The following PDE1A variants were observed in gnomAD, a reference collection of about 807,000 sequenced individuals.
PDE1A encodes dual specificity calcium/calmodulin-dependent 3',5'-cyclic nucleotide phosphodiesterase 1A.
In PDE1A, 35 loss-of-function variants were observed where a neutral mutation model predicts 61.7. That is an observed-to-expected ratio of 0.57 (90% CI 0.43 to 0.75). The LOEUF is 0.75. Among genes scored for constraint, PDE1A ranks in the 30% least tolerant of loss-of-function variants. The pLI, the probability that PDE1A is intolerant of heterozygous loss-of-function variation, is 0.00. For missense variants in PDE1A, 597 were observed against 630.6 expected (o/e 0.95, Z 0.57); for synonymous variants, 232 against 213.2 (o/e 1.09, Z -0.77).
chr2:182,360,529 G>GTT (rs200227796), intron 1 of PDE1A, among the ~76,000 whole-genome samples: 73 of 128,592 alleles, frequency 5.7e-4, no homozygotes, highest in Admixed American at 1.7e-3. Flanking sequence ...GCAGTTTAGT[G>GTT]TTTTTTTTTT....
intron 2 of PDE1A, among the ~76,000 whole-genome samples, chr2:182,488,293 C>G (rs1036933425): frequency 6.6e-6 from 1 of 152,128 alleles, no homozygotes; most frequent in African/African-American, 2.4e-5. Flanking sequence ...AAATGTTTCT[C>G]TTTTTCCCTA....
the PDE1A span, among the ~76,000 whole-genome samples, chr2:182,680,344 G>T: frequency 6.6e-6 from 1 of 151,802 alleles, no homozygotes; most frequent in Non-Finnish European, 1.5e-5. Flanking sequence ...CCAAGTAGCT[G>T]GGACTACAGG....
At chr2:182,507,555 C>A (rs1689490204) in intron 2 of PDE1A, among the ~76,000 whole-genome samples, 1 of 151,964 alleles carries the variant, frequency 6.6e-6, no homozygotes, top group Non-Finnish European at 1.5e-5. Flanking sequence ...GATTGTGTCA[C>A]ATTTGGTAAG....
intron 7 of PDE1A, among the ~76,000 whole-genome samples, chr2:182,219,250 G>C (rs184063424): frequency 6.6e-6 from 1 of 152,048 alleles, no homozygotes; most frequent in East Asian, 1.9e-4. Flanking sequence ...ATACATCAAG[G>C]GAAGGCTTTT....
chr2:182,697,978 C>T, the PDE1A span, among the ~76,000 whole-genome samples: 1 of 152,162 alleles, frequency 6.6e-6, no homozygotes, highest in African/African-American at 2.4e-5. Flanking sequence ...CAAATAGGCA[C>T]TCAATAAATG....
the PDE1A span, among the ~76,000 whole-genome samples, chr2:182,646,638 C>T: frequency 1.3e-5 from 2 of 151,212 alleles, no homozygotes; most frequent in Non-Finnish European, 2.9e-5. Flanking sequence ...GAGCCGAGAT[C>T]GCGCCACTGC....
At chr2:182,498,876 G>A (rs1470330285) in intron 2 of PDE1A, among the ~76,000 whole-genome samples, 13 of 152,000 alleles carry the variant, frequency 8.6e-5, no homozygotes, top group Admixed American at 1.3e-4. Context: ...CCCGGAAGGC[G>A]GAGTTCGCAG....
At chr2:182,572,993 CT>C in the PDE1A span, among the ~76,000 whole-genome samples, 1 of 151,922 alleles carries the variant, frequency 6.6e-6, no homozygotes, top group Admixed American at 6.6e-5. Context: ...TCTAACTTTC[CT>C]TTTTAGAGGA....
intron 2 of PDE1A, chr2:182,242,025 A>G (rs1690555340): frequency 7.2e-7 from 1 of 1,383,548 alleles, no homozygotes; most frequent in African/African-American, 1.5e-5. Context: ...CAGTGATCAG[A>G]TACAGTGTAG....
At chr2:182,554,465 A>G in the PDE1A span, among the ~76,000 whole-genome samples, 27 of 152,258 alleles carry the variant, frequency 1.8e-4, no homozygotes, top group African/African-American at 6.0e-4. Flanking sequence ...TTGCCAAGCC[A>G]TCTTCTGGAC....
chr2:182,427,130 G>C, upstream of PDE1A: 1 of 360,700 alleles, frequency 2.8e-6, no homozygotes, highest in Non-Finnish European at 3.9e-6. Flanking sequence ...GCAGCCCCAT[G>C]TGAGTACCCT....
At chr2:182,461,437 T>C (rs1290651734) in intron 2 of PDE1A, among the ~76,000 whole-genome samples, 1 of 152,154 alleles carries the variant, frequency 6.6e-6, no homozygotes, top group Non-Finnish European at 1.5e-5. Context: ...GCCCTGCTAT[T>C]CACTTTGACT....
intron 2 of PDE1A, among the ~76,000 whole-genome samples, chr2:182,258,168 G>A (rs968969785): frequency 1.1e-4 from 15 of 139,542 alleles, no homozygotes; most frequent in Admixed American, 2.2e-4. Flanking sequence ...ACTCCATCTC[G>A]AAAAAAAAAA....
exon 8 of PDE1A, chr2:182,205,959 A>C: frequency 1.2e-6 from 2 of 1,609,736 alleles, no homozygotes; most frequent in South Asian, 1.1e-5. Flanking sequence ...TCTTTGGATA[A>C]ATTTATCAAG....
chr2:182,691,011 T>G, the PDE1A span, among the ~76,000 whole-genome samples: 1 of 152,134 alleles, frequency 6.6e-6, no homozygotes, highest in Non-Finnish European at 1.5e-5. Flanking sequence ...TACAAACCAC[T>G]GCTCAACGAA....
At chr2:182,213,158 CTG>C (rs1687812829) in intron 7 of PDE1A, among the ~76,000 whole-genome samples, 1 of 150,854 alleles carries the variant, frequency 6.6e-6, no homozygotes, top group African/African-American at 2.4e-5. Flanking sequence ...CAGGGGCAGA[CTG>C]ACACCTCACA....
chr2:182,601,596 G>A, the PDE1A span, among the ~76,000 whole-genome samples: 2 of 152,228 alleles, frequency 1.3e-5, no homozygotes, highest in East Asian at 1.9e-4. Context: ...AATGGAGGGT[G>A]AGCAAGATGA....
At chr2:182,278,675 T>G (rs1178284856) in intron 1 of PDE1A, among the ~76,000 whole-genome samples, 2 of 152,066 alleles carry the variant, frequency 1.3e-5, no homozygotes, top group East Asian at 1.9e-4. Flanking sequence ...CAGTGATTCA[T>G]GTTGGTCCAA....
At chr2:182,590,513 A>T in the PDE1A span, among the ~76,000 whole-genome samples, 1 of 152,184 alleles carries the variant, frequency 6.6e-6, no homozygotes, top group Non-Finnish European at 1.5e-5. Context: ...AAAACACTAT[A>T]ATGGTGCTTT....
Sources: gnomAD v4.1 joint callset for allele counts (sites outside exome capture counted in the v4.1 genomes callset) on GRCh38, gnomAD v4.1.1 for gene constraint, MANE v1.5 for transcripts, NCBI Gene and HGNC (gene_info 2026-07-23, HGNC 2026-07-21) for gene names.